IL18R1: variants seen among roughly 807,000 people sequenced by gnomAD.
IL18R1 encodes the protein interleukin 18 receptor 1, also known as interleukin-18 receptor 1.
Under a neutral mutation model 48.5 loss-of-function variants are expected in IL18R1, and 40 were observed. That is an observed-to-expected ratio of 0.82 (90% CI 0.64 to 1.07). The LOEUF (loss-of-function observed/expected upper bound fraction) is 1.07. Among genes scored for constraint, IL18R1 ranks in the 50% least tolerant of loss-of-function variants. The probability of loss-of-function intolerance (pLI) is 0.00; values close to 1 mark genes in which losing one functional copy is unlikely to be tolerated. For missense variants in IL18R1, 596 were observed against 633.7 expected, an observed-to-expected ratio of 0.94 and a Z score of 0.64; for synonymous variants, 232 against 225.9, an observed-to-expected ratio of 1.03 and a Z score of -0.24.
At chr2:102,368,184 C>A in intron 3 of IL18R1, 116 bp downstream of exon 3, 2 of 1,140,948 alleles carry the variant, frequency 1.8e-6, no homozygotes, top group Non-Finnish European at 1.3e-6. Context: ...TTCTTTCCTA[C>A]TCTTCCTATG....
At chr2:102,390,273 A>G in intron 9 of IL18R1, 56 bp downstream of exon 9, 1 of 1,437,258 alleles carries the variant, frequency 7.0e-7, no homozygotes, top group Non-Finnish European at 9.8e-7. Flanking sequence ...GAAATCAGAT[A>G]AATAGGCATT....
chr2:102,373,979 T>C, intron 4 of IL18R1: 1 of 447,492 alleles, frequency 2.2e-6, no homozygotes, highest in Non-Finnish European at 4.5e-6. Flanking sequence ...AGGGCTCCAC[T>C]GATTCTACAT....
At chr2:102,375,093 G>T (rs1319338155) in intron 4 of IL18R1, among the ~76,000 whole-genome samples, 1 of 152,154 alleles carries the variant, frequency 6.6e-6, no homozygotes, top group African/African-American at 2.4e-5. Context: ...AATGGGTCTA[G>T]CCCCAGTGGC....
chr2:102,391,250 T>C (rs1470237074), intron 9 of IL18R1, among the ~76,000 whole-genome samples: 1 of 152,160 alleles, frequency 6.6e-6, no homozygotes, highest in Non-Finnish European at 1.5e-5. Context: ...TCCAGCCTGG[T>C]CCTGGATCTA....
chr2:102,390,866 C>T (rs1435810082), intron 9 of IL18R1, among the ~76,000 whole-genome samples: 4 of 139,610 alleles, frequency 2.9e-5, no homozygotes, highest in South Asian at 2.3e-4. Context: ...ACTCGGGAGG[C>T]GGAGCTTGCA....
intron 6 of IL18R1, among the ~76,000 whole-genome samples, chr2:102,384,324 A>G (rs1233652339): frequency 6.6e-6 from 1 of 152,200 alleles, no homozygotes; most frequent in African/African-American, 2.4e-5. Flanking sequence ...TAATTCTGCA[A>G]GCCTGTGCAG....
chr2:102,381,398 A>C (rs879124942), intron 5 of IL18R1, among the ~76,000 whole-genome samples: 2 of 152,098 alleles, frequency 1.3e-5, no homozygotes, highest in African/African-American at 4.8e-5. Context: ...TCTGCCTTTT[A>C]GTTGAATTGA....
chr2:102,380,972 G>A (rs1054801390), intron 5 of IL18R1, among the ~76,000 whole-genome samples: 2 of 152,240 alleles, frequency 1.3e-5, no homozygotes, highest in African/African-American at 2.4e-5. Context: ...TTAAGCAAGA[G>A]CCTGTTGGGT....
intron 6 of IL18R1, 112 bp from the exon 7 acceptor site, chr2:102,384,766 G>T: frequency 8.8e-7 from 1 of 1,141,414 alleles, no homozygotes; most frequent in Non-Finnish European, 1.2e-6. Flanking sequence ...TCTCTTTCTG[G>T]GATGGAGCAC....
intron 6 of IL18R1, among the ~76,000 whole-genome samples, chr2:102,383,863 T>A (rs534656507): frequency 6.6e-6 from 1 of 152,228 alleles, no homozygotes; most frequent in Admixed American, 6.5e-5. Flanking sequence ...TCCATCCACT[T>A]GTTTATCTTT....
chr2:102,373,419 A>G (rs1193669473), intron 4 of IL18R1, among the ~76,000 whole-genome samples: 1 of 147,224 alleles, frequency 6.8e-6, no homozygotes, highest in Non-Finnish European at 1.5e-5. Context: ...ATGAGAACAC[A>G]TGGACACAGG....
intron 7 of IL18R1, 108 bp downstream of exon 7, chr2:102,385,106 A>G: frequency 5.5e-6 from 3 of 546,432 alleles, no homozygotes; most frequent in Non-Finnish European, 9.0e-6. Flanking sequence ...ATTTTGGGCT[A>G]GTTTAAATTA....
intron 4 of IL18R1, chr2:102,374,063 T>C: frequency 3.5e-6 from 1 of 288,450 alleles, no homozygotes; most frequent in South Asian, 3.0e-5. Context: ...ACAATAAATG[T>C]AATGCGCCTG....
chr2:102,384,321 G>T (rs1000825535), intron 6 of IL18R1, among the ~76,000 whole-genome samples: 1 of 152,122 alleles, frequency 6.6e-6, no homozygotes, highest in Non-Finnish European at 1.5e-5. Flanking sequence ...CAGTAATTCT[G>T]CAAGCCTGTG....
intron 9 of IL18R1, among the ~76,000 whole-genome samples, chr2:102,393,967 T>C (rs934665116): frequency 6.6e-6 from 1 of 152,226 alleles, no homozygotes; most frequent in Admixed American, 6.5e-5. Flanking sequence ...TGCTTTGCTT[T>C]TAAAAATAGA....
intron 5 of IL18R1, among the ~76,000 whole-genome samples, chr2:102,381,314 C>T (rs186156240): frequency 3.0e-4 from 46 of 152,312 alleles, no homozygotes; most frequent in Admixed American, 2.7e-3. Context: ...AGGCTCTTCC[C>T]AGTGATTTTG....
chr2:102,384,567 A>G (rs903954548), intron 6 of IL18R1, among the ~76,000 whole-genome samples: 3 of 152,224 alleles, frequency 2.0e-5, no homozygotes, highest in Non-Finnish European at 4.4e-5. Flanking sequence ...TGGTTTATCT[A>G]GAAGTCTCAG....
At chr2:102,393,715 G>T (rs546843712) in intron 9 of IL18R1, among the ~76,000 whole-genome samples, 1 of 152,168 alleles carries the variant, frequency 6.6e-6, no homozygotes, top group East Asian at 1.9e-4. Context: ...AATTGTCATG[G>T]GATAAAGGTA....
rs2105139766 is a variant in IL18R1 at position 102,396,799 on chromosome 2, G to A, written c.1539G>A (p.Trp513Ter). 6.2e-7 allele frequency: 1 copy of A among 1,613,462 alleles called. No homozygotes were observed. The highest frequency in any genetic ancestry group is 1.1e-5 in the South Asian group (1 of 91,050). ...DKSLSYNSRF[W>*]KNLLYLMPAK... The stretch of plus-strand genomic sequence containing the variant: ...CTCTTTCTTATAACTCAAGGTTCTG[G>A]AAGAACCTTCTTTACTTAATGCCTG... Residue 513 changes from tryptophan (W) to a stop codon, truncating the protein, a stop_gained, in exon 11 of 11, where the codon TGG (tryptophan) becomes TGA (stop). Transcript: ENST00000233957. LOFTEE classifies it low-confidence loss of function (END_TRUNC).
Sources: allele counts gnomAD v4.1 joint callset (sites outside exome capture counted in the v4.1 genomes callset), GRCh38; gene constraint gnomAD v4.1.1; transcripts MANE v1.5; gene names NCBI Gene and HGNC (gene_info 2026-07-23, HGNC 2026-07-21).